Variants in CYP2F1 observed in about 807,000 individuals in gnomAD.
The protein encoded by CYP2F1 is cytochrome P450 family 2 subfamily F member 1, also known as cytochrome P450 2F1.
In CYP2F1, 33 loss-of-function variants were observed where a neutral mutation model predicts 40.4. The ratio of observed to expected loss-of-function variants is 0.82; its 90% CI spans 0.62 to 1.09. The LOEUF (loss-of-function observed/expected upper bound fraction) is 1.09, where lower values mean the gene tolerates loss of function less well. CYP2F1 is among the 50% of genes least tolerant of loss of function. CYP2F1 has a pLI of 0.00. For missense variants in CYP2F1, 566 were observed against 655.7 expected (o/e 0.86, Z 1.49); for synonymous variants, 235 against 277.2 (o/e 0.85, Z 1.51).
At position 41,122,944 on chromosome 19, in the gene CYP2F1, G is replaced by T; in HGVS notation, c.945G>T (p.Met315Ile). ...TGCACCACGCCTTCCTGGCACTCATGAAGTACCCAAAAGTTCAAGGTGAGG... is the reference window on the plus strand; with the variant it reads ...TGCACCACGCCTTCCTGGCACTCATTAAGTACCCAAAAGTTCAAGGTGAGG... ...TTLHHAFLAL[M>I]KYPKVQARVQ... Residue 315 changes from methionine (M) to isoleucine (I), a missense_variant, in exon 7 of 10, where the codon ATG (methionine) becomes ATT (isoleucine). Physicochemically the swap from Met to Ile is conservative, Grantham distance 10. This residue lies in a region of CYP2F1 where 128 missense variants were observed against 121.0 expected (regional missense o/e 1.06). Transcript: ENST00000331105. The T allele has an allele frequency of 3.7e-6, 6 of 1,613,370 alleles. No individual in the cohort carries two copies. Among genetic ancestry groups the T allele is most frequent in the Non-Finnish European group, 5.1e-6 (6 of 1,179,660 alleles).
intron 7 of CYP2F1, among the ~76,000 whole-genome samples, chr19:41,124,506 C>A (rs2016182): frequency 0.15 from 22,922 of 151,990 alleles, 1,919 homozygotes; most frequent in South Asian, 0.2. Flanking sequence ...TCAAGCGATC[C>A]GTCCGCCTGG....
At position 41,120,457 on chromosome 19, in the gene CYP2F1, G is replaced by A. The variant is rs2032127995; in HGVS notation, c.445G>A (p.Glu149Lys). The A allele has an allele frequency of 1.9e-6, 3 of 1,614,006 alleles. No homozygotes were observed. Among genetic ancestry groups the A allele is most frequent in the African/African-American group, 2.7e-5 (2 of 75,028 alleles). The change falls in exon 4 of 10, where the codon GAG becomes AAG. Residue 149 changes from glutamate to lysine, a missense_variant. Around this residue, in one of 5 missense-constraint regions of CYP2F1, gnomAD observed 264 missense variants for 275.7 expected, o/e 0.96. Transcript: ENST00000331105. ...KRSIEERILE[E>K]GSFLLAELRK... is the part of the protein sequence containing the mutation. The stretch of plus-strand genomic sequence containing the variant: ...AAGCATTGAGGAGCGAATCCTAGAG[G>A]AGGGCAGCTTCCTGCTGGCGGAGCT...
chr19:41,119,802 G>A (rs192829030), intron 3 of CYP2F1, among the ~76,000 whole-genome samples: 24 of 136,110 alleles, frequency 1.8e-4, no homozygotes, highest in African/African-American at 5.6e-4. Context: ...TTAGGTGGGC[G>A]TGGTGGTGCA....
chr19:41,120,051 C>T (rs920038656), intron 3 of CYP2F1, among the ~76,000 whole-genome samples: 2 of 152,018 alleles, frequency 1.3e-5, no homozygotes, highest in Non-Finnish European at 2.9e-5. Context: ...ACCCACTCTG[C>T]CTTCACAGTT....
At chr19:41,123,190 T>C in intron 7 of CYP2F1, 1 of 655,896 alleles carries the variant, frequency 1.5e-6, no homozygotes, top group Middle Eastern at 2.4e-4. Flanking sequence ...TAATTGTTGG[T>C]TTTTTTGTCT....
chr19:41,119,371 G>T (rs1599672186), intron 3 of CYP2F1, among the ~76,000 whole-genome samples: 2 of 151,978 alleles, frequency 1.3e-5, no homozygotes, highest in East Asian at 3.9e-4. Context: ...CCAGCACTTT[G>T]GGAGGCCGAG....
At chr19:41,123,263 T>A in intron 7 of CYP2F1, 1 of 486,712 alleles carries the variant, frequency 2.1e-6, no homozygotes, top group Non-Finnish European at 4.0e-6. Context: ...AGTGGCGTGA[T>A]CTCGATCCGC....
chr19:41,123,069 G>A, intron 7 of CYP2F1, 106 bp downstream of exon 7: 1 of 1,334,722 alleles, frequency 7.5e-7, no homozygotes. Flanking sequence ...GCCTCCTGCT[G>A]GCACCAGGAT....
At chr19:41,120,564 C>A in intron 4 of CYP2F1, 68 bp downstream of exon 4, 1 of 1,563,176 alleles carries the variant, frequency 6.4e-7, no homozygotes, top group African/African-American at 1.4e-5. Flanking sequence ...GGATGGCAGC[C>A]TTGACCTCCT....
In CYP2F1 at chr19:41,121,349, C is replaced by T; in HGVS notation, c.485-109C>T. ...ATGTCCCCGTGTTTGCACCGTAAGA[C>T]ACGTTGCCATGGTTGAGTCGGATGT... is the stretch of plus-strand genomic sequence containing the variant. On this transcript the variant is annotated intron_variant, in intron 4 of 9. Transcript: ENST00000331105. 4.4e-6 allele frequency: 5 copies of T among 1,125,422 alleles called. No individual in the cohort carries two copies. In the Admixed American group the frequency reaches 1.0e-4, roughly 23 times the overall value. 69.7% of individuals were successfully genotyped at this position (1,125,422 alleles called of 1,614,324 possible).
rs1319908957 is a variant in CYP2F1 at position 41,128,019 on chromosome 19, C to G, written c.1413C>G (p.Thr471=). Residue 471 remains threonine (T), a synonymous_variant, in exon 10 of 10, where the codon ACC becomes ACG. Transcript: ENST00000331105. ...PLGAPEDIDL[T]PLSSGLGNLP... The stretch of plus-strand genomic sequence containing the variant: ...GTGCGCCCGAGGACATCGACCTGAC[C>G]CCACTCAGCTCAGGTCTTGGCAATT... The G allele has an allele frequency of 1.6e-5, 26 of 1,613,078 alleles. No individual in the cohort carries two copies. Among genetic ancestry groups the G allele is most frequent in the Non-Finnish European group, 2.1e-5 (25 of 1,180,008 alleles).
In CYP2F1 at chr19:41,122,917, G is replaced by A. The variant is rs1471151245; in HGVS notation, c.918G>A (p.Thr306=). The change falls in exon 7 of 10, where the codon ACG becomes ACA. Residue 306 remains threonine, a synonymous_variant. Transcript: ENST00000331105. The part of the protein sequence containing the change: ...LFGGTKTVST[T]LHHAFLALMK... Reference sequence around the variant, plus strand: ...GCGGCACCAAGACGGTGAGCACCACGCTGCACCACGCCTTCCTGGCACTCA... The same window carrying A: ...GCGGCACCAAGACGGTGAGCACCACACTGCACCACGCCTTCCTGGCACTCA... 1.5e-5 allele frequency: 24 copies of A among 1,612,354 alleles called. No individual in the cohort carries two copies. Among genetic ancestry groups the A allele is most frequent in the East Asian group, 2.2e-5 (1 of 44,834 alleles).
rs138507242 is a variant in CYP2F1 at position 41,124,878 on chromosome 19, C to A, written c.1124C>A (p.Thr375Lys). ...TTGCCGCACCGCGTCACTAGGGACA[C>A]GGCCTTTCGCGGCTTCCTGATACCC... Reference protein sequence around the residue: ...MNLPHRVTRDTAFRGFLIPKG... With the variant: ...MNLPHRVTRDKAFRGFLIPKG... Residue 375 changes from threonine to lysine, a missense_variant, in exon 8 of 10, where the codon ACG (threonine) becomes AAG (lysine). Thr to Lys is a moderately conservative substitution (Grantham distance 78). Around this residue, in one of 5 missense-constraint regions of CYP2F1, gnomAD observed 128 missense variants for 121.0 expected, o/e 1.06. Transcript: ENST00000331105. The A allele has an allele frequency of 1.9e-6, 3 of 1,608,004 alleles. 1 individual carries two copies. In the South Asian group the frequency reaches 3.3e-5, roughly 18 times the overall value.
intron 1 of CYP2F1, among the ~76,000 whole-genome samples, chr19:41,115,923 C>T (rs1313927294): frequency 1.3e-5 from 2 of 152,038 alleles, no homozygotes; most frequent in Non-Finnish European, 2.9e-5. Context: ...CTCTTGGCCT[C>T]TCTTAGTCTC....
At chr19:41,119,723 C>CTCTCTCTCTATATA (rs1478574507) in intron 3 of CYP2F1, among the ~76,000 whole-genome samples, 26 of 35,808 alleles carry the variant, frequency 7.3e-4, no homozygotes, top group Middle Eastern at 0.018. Flanking sequence ...CTCTCTCTCT[C>CTCTCTCTCTATATA]TATATATATA....
chr19:41,122,883 T>G lies in CYP2F1; in HGVS notation c.884T>G (p.Leu295Arg). 1 of 1,596,736 alleles carries G rather than the reference T, an allele frequency of 6.3e-7. No individual in the cohort carries two copies. The highest frequency in any genetic ancestry group is 8.5e-7 in the Non-Finnish European group (1 of 1,170,594). Residue 295 changes from leucine to arginine, a missense_variant, in exon 7 of 10, where the codon CTG becomes CGG. Physicochemically the swap from Leu to Arg is moderately radical, Grantham distance 102. This residue lies in a region of CYP2F1 where 62 missense variants were observed against 105.6 expected (regional missense o/e 0.59). Transcript: ENST00000331105. ...MDTLLMTTHN[L>R]LFGGTKTVST... ...ACCCTGCTGATGACCACACATAACC[T>G]GCTCTTTGGCGGCACCAAGACGGTG...
chr19:41,117,830 C>CTTTA (rs71896870), intron 3 of CYP2F1, among the ~76,000 whole-genome samples: 10,463 of 149,586 alleles, frequency 0.07, 447 homozygotes, highest in African/African-American at 0.096. Flanking sequence ...GGTCTTCAAA[C>CTTTA]TTTATTTATT....
At chr19:41,116,395 T>G in intron 2 of CYP2F1, 36 bp downstream of exon 2, 1 of 1,610,730 alleles carries the variant, frequency 6.2e-7, no homozygotes, top group Non-Finnish European at 8.5e-7. Flanking sequence ...GGTGGAAGGA[T>G]AAGGAGGAGG....
chr19:41,127,792 C>T, intron 9 of CYP2F1, 109 bp from the exon 10 acceptor site: 2 of 752,812 alleles, frequency 2.7e-6, no homozygotes, highest in East Asian at 2.7e-5. Flanking sequence ...TCTGTGACGT[C>T]CCCAGCTGCT....
Sources: gnomAD v4.1 joint callset for allele counts (sites outside exome capture counted in the v4.1 genomes callset) on GRCh38, gnomAD v4.1.1 for gene constraint, gnomAD v4.1.1 regional missense constraint, MANE v1.5 for transcripts, NCBI Gene and HGNC (gene_info 2026-07-23, HGNC 2026-07-21) for gene names.